Variants in MYH11 observed in about 807,000 individuals in gnomAD.
The protein encoded by MYH11 is myosin heavy chain 11, also known as myosin-11.
In MYH11, 80 loss-of-function variants were observed where a neutral mutation model predicts 246.6. The observed-to-expected ratio is 0.32, with a 90% confidence interval of 0.27 to 0.39. MYH11 has a LOEUF of 0.39. MYH11 is among the 10% of genes least tolerant of loss of function. The pLI, the probability that MYH11 is intolerant of heterozygous loss-of-function variation, is 1.00. For synonymous variants in MYH11, 1,071 were observed against 1,015.5 expected, an observed-to-expected ratio of 1.05 and a Z score of -1.04; for missense variants, 2,158 against 2,546.8, an observed-to-expected ratio of 0.85 and a Z score of 3.29.
intron 36 of MYH11, chr16:15,718,746 A>C (rs538086402): frequency 6.1e-6 from 3 of 494,234 alleles, no homozygotes; most frequent in Non-Finnish European, 7.3e-6. Flanking sequence ...CCACACCCCC[A>C]AACAGGCATG....
At chr16:15,716,995 TCAC>T (rs972001855) in intron 38 of MYH11, 142 bp downstream of exon 38, 33 of 947,206 alleles carry the variant, frequency 3.5e-5, no homozygotes, top group Non-Finnish European at 5.5e-5. Flanking sequence ...CGTTCAGTTC[TCAC>T]AACATACCTG....
chr16:15,719,799 T>G (rs2040370216), intron 34 of MYH11, 86 bp from the exon 35 acceptor site: 1 of 1,571,802 alleles, frequency 6.4e-7, no homozygotes, highest in African/African-American at 1.3e-5. Flanking sequence ...CACCCACCCC[T>G]TGGATTTTCT....
chr16:15,761,085 GATTT>G (rs1404546551), intron 10 of MYH11, among the ~76,000 whole-genome samples: 1 of 152,098 alleles, frequency 6.6e-6, no homozygotes, highest in African/African-American at 2.4e-5. Flanking sequence ...GAGATAGATA[GATTT>G]ATTTATTTAT....
intron 27 of MYH11, among the ~76,000 whole-genome samples, chr16:15,731,204 G>A (rs991830499): frequency 3.9e-5 from 6 of 152,176 alleles, no homozygotes; most frequent in Admixed American, 2.0e-4. Flanking sequence ...CGAAAGTGTT[G>A]TTACACCTTT....
chr16:15,744,961 A>T (rs1190965762), intron 20 of MYH11, among the ~76,000 whole-genome samples, 168 bp downstream of exon 20: 3 of 152,374 alleles, frequency 2.0e-5, no homozygotes, highest in East Asian at 3.9e-4. Flanking sequence ...CCTATGTGCC[A>T]AAGGACAGGG....
intron 3 of MYH11, among the ~76,000 whole-genome samples, chr16:15,816,402 A>C (rs1426836589): frequency 1.3e-5 from 2 of 149,692 alleles, no homozygotes; most frequent in Non-Finnish European, 3.0e-5. Flanking sequence ...AATACATGGA[A>C]AACAAGATTG....
At chr16:15,828,551 G>A (rs186275559) in intron 2 of MYH11, among the ~76,000 whole-genome samples, 386 of 152,278 alleles carry the variant, frequency 2.5e-3, no homozygotes, top group Non-Finnish European at 3.6e-3. Flanking sequence ...CCAGCACTTC[G>A]GGTGGCCAAG....
In MYH11 at chr16:15,832,943, C is replaced by CTTTTTTTT. The variant is rs780380104; in HGVS notation, c.345+4957_345+4964dup. Among the ~76,000 whole-genome samples, 15 of 55,440 alleles carry CTTTTTTTT rather than the reference C, an allele frequency of 2.7e-4. 3 individuals are homozygous for CTTTTTTTT. The highest frequency in any genetic ancestry group is 4.4e-4 in the Non-Finnish European group (14 of 31,468). The allele number at this position is 55,440 out of a possible 152,430, so 36.4% of individuals were successfully genotyped here. A position where few individuals can be genotyped will look rare whatever the true frequency, so the allele number is the denominator to read the frequency against. On this transcript the variant is annotated intron_variant, in intron 2 of 40. Coordinates refer to ENST00000300036, the MANE Select transcript of MYH11 (RefSeq NM_002474.3). The stretch of plus-strand genomic sequence containing the variant: ...CACATCTGAGCTTCAGCAACCTCAT[C>CTTTTTTTT]TTTTTTTTTTTTTTTTTTTTTTTTT...
chr16:15,739,195 G>A (rs530549682), intron 23 of MYH11, among the ~76,000 whole-genome samples: 3 of 151,628 alleles, frequency 2.0e-5, no homozygotes, highest in Admixed American at 1.3e-4. Context: ...TGCCTCCCAC[G>A]TTCAAGTGAT....
intron 28 of MYH11, chr16:15,725,481 G>C: frequency 2.3e-6 from 1 of 430,826 alleles, no homozygotes; most frequent in Non-Finnish European, 4.1e-6. Flanking sequence ...GCCAAAGCCA[G>C]AGACGCAGGC....
chr16:15,851,924 A>G, intron 1 of MYH11, among the ~76,000 whole-genome samples: 1 of 152,122 alleles, frequency 6.6e-6, no homozygotes. Flanking sequence ...ATATTTTACA[A>G]TTCTGGCATA....
Position 15,717,063 on chromosome 16 carries a change from G to C in MYH11, c.5504+77C>G, listed in dbSNP as rs1397230570. On this transcript the variant is annotated intron_variant, in intron 38 of 40. Coordinates refer to ENST00000300036, the MANE Select transcript of MYH11 (RefSeq NM_002474.3). ...ACAAGCCAGAACTGATGCTGGAAGAGGTTCCCTGACTTCACTATGACTCCT... is the reference window on the plus strand; with the variant it reads ...ACAAGCCAGAACTGATGCTGGAAGACGTTCCCTGACTTCACTATGACTCCT... 4.8e-6 allele frequency: 7 copies of C among 1,464,122 alleles called. No homozygotes were observed. In the Middle Eastern group the frequency reaches 5.2e-4, roughly 108 times the overall value. 90.7% of individuals were successfully genotyped at this position (1,464,122 alleles called of 1,614,324 possible). A position where few individuals can be genotyped will look rare whatever the true frequency, so the allele number is the denominator to read the frequency against.
At chr16:15,822,268 A>T (rs1350269998) in intron 3 of MYH11, among the ~76,000 whole-genome samples, 2 of 152,092 alleles carry the variant, frequency 1.3e-5, no homozygotes, top group African/African-American at 2.4e-5. Context: ...AGGGGGTGTG[A>T]GTTTTCGAGT....
chr16:15,843,164 G>T (rs2044099615), intron 1 of MYH11, among the ~76,000 whole-genome samples: 1 of 151,730 alleles, frequency 6.6e-6, no homozygotes. Flanking sequence ...GAGGTCAAGA[G>T]TTTGAGGCCA....
At chr16:15,819,970 A>G (rs1403300291) in intron 3 of MYH11, among the ~76,000 whole-genome samples, 1 of 152,194 alleles carries the variant, frequency 6.6e-6, no homozygotes, top group African/African-American at 2.4e-5. Flanking sequence ...CCATCATGAT[A>G]TGAACACAAA....
intron 5 of MYH11, 147 bp from the exon 6 acceptor site, chr16:15,782,624 C>A: frequency 1.5e-6 from 1 of 663,940 alleles, no homozygotes; most frequent in Non-Finnish European, 2.7e-6. Flanking sequence ...TGCTAATGTT[C>A]AGATTTACAG....
intron 39 of MYH11, 41 bp from the exon 40 acceptor site, chr16:15,715,122 T>TGGGGGCTGGGGGCTCGAG: frequency 6.6e-7 from 1 of 1,522,740 alleles, no homozygotes; most frequent in Non-Finnish European, 9.0e-7. Flanking sequence ...GGAGGCCGGC[T>TGGGGGCTGGGGGCTCGAG]GGGGGCTGGG....
intron 9 of MYH11, 67 bp from the exon 10 acceptor site, chr16:15,763,958 G>T (rs2041926434): frequency 7.6e-7 from 1 of 1,311,830 alleles, no homozygotes; most frequent in Non-Finnish European, 1.1e-6. Context: ...GAGTTTTGGA[G>T]CCTAAAGCCA....
chr16:15,849,884 T>C (rs1463546603), intron 1 of MYH11, among the ~76,000 whole-genome samples: 1 of 152,112 alleles, frequency 6.6e-6, no homozygotes, highest in Admixed American at 6.5e-5. Context: ...CTCTGGGCCT[T>C]GTATTTTTCA....
Sources: gnomAD v4.1 joint callset for allele counts (sites outside exome capture counted in the v4.1 genomes callset) on GRCh38, gnomAD v4.1.1 for gene constraint, MANE v1.5 for transcripts, NCBI Gene and HGNC (gene_info 2026-07-23, HGNC 2026-07-21) for gene names.